The following EFCAB6 variants were observed in gnomAD, a reference collection of about 807,000 sequenced individuals.
EFCAB6 encodes EF-hand calcium binding domain 6.
Under a neutral mutation model 169.8 loss-of-function variants are expected in EFCAB6, and 156 were observed. That is an observed-to-expected ratio of 0.92 (90% CI 0.81 to 1.05). EFCAB6 has a LOEUF of 1.05. EFCAB6 is among the 50% of genes least tolerant of loss of function. The probability of loss-of-function intolerance (pLI) is 0.00; values close to 1 mark genes in which losing one functional copy is unlikely to be tolerated. For synonymous variants in EFCAB6, 698 were observed against 676.4 expected, an observed-to-expected ratio of 1.03 and a Z score of -0.50; for missense variants, 1,800 against 1,829.1, an observed-to-expected ratio of 0.98 and a Z score of 0.29.
chr22:43,784,611 G>GTATACATACACATATATATA (rs2061981582), intron 2 of EFCAB6, among the ~76,000 whole-genome samples: 2 of 53,664 alleles, frequency 3.7e-5, no homozygotes, highest in Admixed American at 1.8e-4. Flanking sequence ...ACATATATAT[G>GTATACATACACATATATATA]TGTATATATA....
At chr22:43,552,119 C>T (rs2048417722) in intron 27 of EFCAB6, 1 of 152,252 alleles carries the variant, frequency 6.6e-6, no homozygotes, top group Non-Finnish European at 1.5e-5. Flanking sequence ...GCGTGAACCG[C>T]TGTGCCTGGC....
In EFCAB6 at chr22:43,608,507, T is replaced by C. The variant is rs752390164; in HGVS notation, c.2656A>G (p.Arg886Gly). ...LYGFDIPLTP[R>G]EFEKLWARYD... is the part of the protein sequence containing the mutation. ...CTTGCCCAAAGCTTTTCAAACTCTC[T>C]TGGTGTGAGGGGAATATCAAAACCG... The change falls in exon 22 of 32, where the codon AGA (arginine) becomes GGA (glycine). Residue 886 changes from arginine to glycine, a missense_variant. By Grantham distance (125) the Arg-to-Gly change is moderately radical. Transcript: ENST00000262726. 1.1e-5 allele frequency: 17 copies of C among 1,614,194 alleles called. No individual in the cohort carries two copies. In the South Asian group the frequency reaches 1.8e-4, roughly 17 times the overall value.
chr22:43,750,399 G>C (rs76365544), intron 6 of EFCAB6, among the ~76,000 whole-genome samples: 2,307 of 152,280 alleles, frequency 0.015, 20 homozygotes, highest in Non-Finnish European at 0.026. Context: ...ATTCAGTTAT[G>C]ATTGATAGGC....
chr22:43,631,505 C>A (rs956293363), intron 19 of EFCAB6, among the ~76,000 whole-genome samples: 1 of 152,074 alleles, frequency 6.6e-6, no homozygotes, highest in African/African-American at 2.4e-5. Flanking sequence ...CCTTTCCTGG[C>A]CAGCCCAGGC....
Position 43,677,984 on chromosome 22 carries a change from T to C in EFCAB6, c.1419+12A>G. On this transcript the variant is annotated intron_variant, in intron 13 of 31. Coordinates refer to ENST00000262726, the MANE Select transcript of EFCAB6 (RefSeq NM_022785.4). ...AAGAGAAAACCAAACAGGAAGTTGT[T>C]ACAAAACTCACCCTACAGTTCTCTT... is the stretch of plus-strand genomic sequence containing the variant. 6.2e-7 allele frequency: 1 copy of C among 1,600,552 alleles called. No homozygotes were observed. Among genetic ancestry groups the C allele is most frequent in the Non-Finnish European group, 8.5e-7 (1 of 1,173,010 alleles).
chr22:43,535,480 C>T (rs1260623264), intron 29 of EFCAB6: 1 of 152,358 alleles, frequency 6.6e-6, no homozygotes, highest in Non-Finnish European at 1.5e-5. Flanking sequence ...TGATCAGGCT[C>T]ATGTGGATGC....
intron 26 of EFCAB6, among the ~76,000 whole-genome samples, chr22:43,575,830 C>T (rs2050219710): frequency 2.6e-5 from 4 of 152,146 alleles, no homozygotes; most frequent in Admixed American, 2.6e-4. Flanking sequence ...GGGATAGTAA[C>T]AGCTTGTATC....
intron 5 of EFCAB6, among the ~76,000 whole-genome samples, chr22:43,758,310 G>A (rs1021060592): frequency 6.6e-6 from 1 of 152,196 alleles, no homozygotes; most frequent in East Asian, 1.9e-4. Context: ...TGTAGTATCT[G>A]TTGTAGATTT....
intron 27 of EFCAB6, among the ~76,000 whole-genome samples, chr22:43,549,260 A>G (rs2048249838): frequency 6.6e-6 from 1 of 152,170 alleles, no homozygotes; most frequent in Non-Finnish European, 1.5e-5. Flanking sequence ...ATTAATATCA[A>G]CTAAACGAAA....
At position 43,778,712 on chromosome 22, in the gene EFCAB6, A is replaced by C. The variant is rs377099830; in HGVS notation, c.139+3468T>G. Among the ~76,000 whole-genome samples, 65 of 152,340 alleles carry C rather than the reference A, an allele frequency of 4.3e-4. 1 individual carries two copies. In the Middle Eastern group the frequency reaches 0.02, roughly 48 times the overall value. ...AAGACCTGTTGAAGGCAAGCATATG[A>C]AACCAGGGGTAACCCAAATTTAACT... On this transcript the variant is annotated intron_variant, in intron 3 of 31. Transcript: ENST00000262726.
At chr22:43,721,490 AACTAT>A (rs2059523720) in intron 8 of EFCAB6, among the ~76,000 whole-genome samples, 1 of 152,238 alleles carries the variant, frequency 6.6e-6, no homozygotes, top group Admixed American at 6.5e-5. Flanking sequence ...CCCAACTACA[AACTAT>A]ACTATAAGAC....
intron 2 of EFCAB6, among the ~76,000 whole-genome samples, chr22:43,783,723 G>A (rs1160517728): frequency 6.6e-6 from 1 of 152,042 alleles, no homozygotes; most frequent in Non-Finnish European, 1.5e-5. Context: ...ACATGGAAAG[G>A]GATGAGAATA....
intron 17 of EFCAB6, among the ~76,000 whole-genome samples, chr22:43,645,433 T>G (rs542226143): frequency 6.6e-6 from 1 of 152,354 alleles, no homozygotes; most frequent in South Asian, 2.1e-4. Context: ...GTCTAGTGAT[T>G]GTTATTTAGA....
chr22:43,753,348 C>T (rs371689314), intron 6 of EFCAB6, among the ~76,000 whole-genome samples: 26 of 152,284 alleles, frequency 1.7e-4, no homozygotes, highest in Middle Eastern at 3.4e-3. Flanking sequence ...GTGAGGAATG[C>T]GCCAGGACTT....
intron 30 of EFCAB6, 92 bp from the exon 31 acceptor site, chr22:43,531,056 C>T: frequency 6.5e-7 from 1 of 1,546,768 alleles, no homozygotes; most frequent in Non-Finnish European, 8.8e-7. Context: ...CTCGCCCAGC[C>T]CTGCTCCGGC....
chr22:43,800,758 C>T (rs1048781270), intron 2 of EFCAB6, among the ~76,000 whole-genome samples: 3 of 151,698 alleles, frequency 2.0e-5, no homozygotes, highest in African/African-American at 7.3e-5. Flanking sequence ...AACTTGAAGA[C>T]AGACTATTTG....
intron 20 of EFCAB6, among the ~76,000 whole-genome samples, chr22:43,624,376 A>AG (rs2054343647): frequency 6.6e-6 from 1 of 152,120 alleles, no homozygotes; most frequent in South Asian, 2.1e-4. Flanking sequence ...TCCATAGCAT[A>AG]CGGCCTCCCC....
chr22:43,795,775 A>G lies in EFCAB6; in HGVS notation c.-8+13220T>C, dbSNP rs5764304. 0.081 allele frequency among the ~76,000 whole-genome samples: 12,360 copies of G among 151,802 alleles called. 660 individuals carry two copies. Among genetic ancestry groups the G allele is most frequent in the South Asian group, 0.2 (971 of 4,796 alleles). ...CTGCTGCTCCAAATTACTGACAAATAAATGGTTTTCACAGCCCTGCCATTC... is the reference window on the plus strand; with the variant it reads ...CTGCTGCTCCAAATTACTGACAAATGAATGGTTTTCACAGCCCTGCCATTC... On this transcript the variant is annotated intron_variant, in intron 2 of 31. Transcript: ENST00000262726. The surrounding 1 kb of genome is among the most constrained non-coding windows in gnomAD (Gnocchi z 4.2).
At chr22:43,803,296 C>A (rs1346354459) in intron 2 of EFCAB6, among the ~76,000 whole-genome samples, 1 of 152,208 alleles carries the variant, frequency 6.6e-6, no homozygotes, top group East Asian at 1.9e-4. Flanking sequence ...TTTCATTTCA[C>A]TTCCTGAAAG....
Sources: gnomAD v4.1 joint callset for allele counts (sites outside exome capture counted in the v4.1 genomes callset) on GRCh38, gnomAD v4.1.1 for gene constraint, Gnocchi (gnomAD v3.1) non-coding constraint, MANE v1.5 for transcripts, NCBI Gene and HGNC (gene_info 2026-07-23, HGNC 2026-07-21) for gene names.